Variants in SLC24A2 observed in about 807,000 individuals in gnomAD.
The protein encoded by SLC24A2 is sodium/potassium/calcium exchanger 2.
In SLC24A2, 36 loss-of-function variants were observed where a neutral mutation model predicts 62.0. The ratio of observed to expected loss-of-function variants is 0.58; its 90% CI spans 0.44 to 0.77. SLC24A2 has a LOEUF of 0.77. Ranked by LOEUF, SLC24A2 falls within the 30% of genes least tolerant of loss-of-function variation. The pLI, the probability that SLC24A2 is intolerant of heterozygous loss-of-function variation, is 0.00. For synonymous variants in SLC24A2, 358 were observed against 294.0 expected, an observed-to-expected ratio of 1.22 and a Z score of -2.23; for missense variants, 846 against 817.9, an observed-to-expected ratio of 1.03 and a Z score of -0.42.
chr9:19,637,905 C>T (rs1238217650), intron 2 of SLC24A2, among the ~76,000 whole-genome samples: 3 of 152,150 alleles, frequency 2.0e-5, no homozygotes, highest in African/African-American at 7.2e-5. Context: ...CAGTGAAGTC[C>T]ACCTGTATTG....
chr9:20,230,421 C>A, the SLC24A2 span, among the ~76,000 whole-genome samples: 2 of 152,180 alleles, frequency 1.3e-5, no homozygotes, highest in African/African-American at 2.4e-5. Flanking sequence ...TTAATGATTG[C>A]CATTCTGACT....
At chr9:19,925,132 C>T in the SLC24A2 span, among the ~76,000 whole-genome samples, 1 of 152,214 alleles carries the variant, frequency 6.6e-6, no homozygotes, top group Non-Finnish European at 1.5e-5. Context: ...GGTGACCCCA[C>T]AGACCTGCAC....
chr9:19,723,453 C>T (rs1490767283), intron 2 of SLC24A2, among the ~76,000 whole-genome samples: 1 of 152,086 alleles, frequency 6.6e-6, no homozygotes, highest in Non-Finnish European at 1.5e-5. Flanking sequence ...ACCATTCTAT[C>T]ATATTCCATT....
At chr9:19,845,341 C>T in the SLC24A2 span, among the ~76,000 whole-genome samples, 3 of 152,104 alleles carry the variant, frequency 2.0e-5, no homozygotes, top group East Asian at 1.9e-4. Flanking sequence ...TGTGGAAATG[C>T]TACTGATTTT....
At chr9:19,825,093 G>C in the SLC24A2 span, among the ~76,000 whole-genome samples, 5 of 152,026 alleles carry the variant, frequency 3.3e-5, no homozygotes, top group African/African-American at 1.2e-4. Flanking sequence ...CTAGATGATG[G>C]ATTGATAGGT....
chr9:19,825,927 A>G, the SLC24A2 span, among the ~76,000 whole-genome samples: 114 of 152,238 alleles, frequency 7.5e-4, no homozygotes, highest in African/African-American at 2.6e-3. Context: ...TTGACTCAAG[A>G]TCTCTCTAGG....
intron 2 of SLC24A2, among the ~76,000 whole-genome samples, chr9:19,769,729 C>A (rs1822627203): frequency 2.6e-5 from 4 of 152,256 alleles, no homozygotes; most frequent in African/African-American, 9.6e-5. Flanking sequence ...GATCAGAGCC[C>A]ATGTTCCACA....
chr9:20,063,445 G>T, the SLC24A2 span, among the ~76,000 whole-genome samples: 1 of 135,338 alleles, frequency 7.4e-6, no homozygotes, highest in Non-Finnish European at 1.5e-5. Flanking sequence ...TGAACAATGA[G>T]AACACATGGA....
intron 2 of SLC24A2, among the ~76,000 whole-genome samples, chr9:19,749,836 C>A (rs1036039060): frequency 6.6e-6 from 1 of 152,198 alleles, no homozygotes; most frequent in Admixed American, 6.5e-5. Flanking sequence ...CATATGCTCA[C>A]AACTGGGACT....
the SLC24A2 span, among the ~76,000 whole-genome samples, chr9:19,822,873 C>T: frequency 5.3e-5 from 8 of 152,074 alleles, no homozygotes; most frequent in African/African-American, 1.9e-4. Flanking sequence ...TGCAAAACCA[C>T]GGGCCCCTTC....
the SLC24A2 span, among the ~76,000 whole-genome samples, chr9:20,129,584 T>C: frequency 6.6e-6 from 1 of 152,086 alleles, no homozygotes; most frequent in Non-Finnish European, 1.5e-5. Flanking sequence ...CATAATTGAA[T>C]ATTATTCACT....
the SLC24A2 span, among the ~76,000 whole-genome samples, chr9:19,852,539 G>C: frequency 6.6e-6 from 1 of 152,254 alleles, no homozygotes; most frequent in East Asian, 1.9e-4. Context: ...TCTGCATACA[G>C]CTAGCCAGCT....
the SLC24A2 span, among the ~76,000 whole-genome samples, chr9:20,012,181 A>C: frequency 6.6e-6 from 1 of 152,248 alleles, no homozygotes; most frequent in Non-Finnish European, 1.5e-5. Context: ...TGATAAAGAC[A>C]TACCTGAGAC....
intron 8 of SLC24A2, among the ~76,000 whole-genome samples, chr9:19,542,789 C>CT (rs749987661): frequency 2.4e-4 from 37 of 152,174 alleles, no homozygotes; most frequent in Non-Finnish European, 4.0e-4. Flanking sequence ...ATGAAGCCAC[C>CT]TTGATGGTGG....
the SLC24A2 span, among the ~76,000 whole-genome samples, chr9:19,865,261 A>G: frequency 2.0e-5 from 3 of 152,124 alleles, no homozygotes; most frequent in African/African-American, 7.2e-5. Flanking sequence ...ATACTATCCA[A>G]AGTAATCTAC....
At chr9:20,041,380 A>C in the SLC24A2 span, among the ~76,000 whole-genome samples, 21 of 152,244 alleles carry the variant, frequency 1.4e-4, no homozygotes, top group African/African-American at 4.8e-4. Context: ...TGTTTTTGCT[A>C]GTCTTGTCTC....
At chr9:19,534,885 T>G (rs544598323) in intron 8 of SLC24A2, among the ~76,000 whole-genome samples, 3 of 152,164 alleles carry the variant, frequency 2.0e-5, no homozygotes, top group Non-Finnish European at 4.4e-5. Context: ...GTAATGAGAT[T>G]GCTGGGTCAA....
At chr9:20,036,421 G>GA in the SLC24A2 span, among the ~76,000 whole-genome samples, 49,200 of 151,636 alleles carry the variant, frequency 0.32, 9,252 homozygotes, top group East Asian at 0.86. Context: ...ATAGAACTTA[G>GA]AAAAAAAATC....
At chr9:19,623,431 C>G (rs1587053699) in intron 2 of SLC24A2, among the ~76,000 whole-genome samples, 1 of 152,158 alleles carries the variant, frequency 6.6e-6, no homozygotes, top group African/African-American at 2.4e-5. Flanking sequence ...GTTTTAGGGT[C>G]TACCACACCT....
Sources: gnomAD v4.1 joint callset for allele counts (sites outside exome capture counted in the v4.1 genomes callset) on GRCh38, gnomAD v4.1.1 for gene constraint, MANE v1.5 for transcripts, NCBI Gene and HGNC (gene_info 2026-07-23, HGNC 2026-07-21) for gene names.